TANC2: variants seen among roughly 807,000 people sequenced by gnomAD.
TANC2 encodes tetratricopeptide repeat, ankyrin repeat and coiled-coil containing 2, also known as protein TANC2.
Under a neutral mutation model 210.5 loss-of-function variants are expected in TANC2, and 26 were observed. The ratio of observed to expected loss-of-function variants is 0.12; its 90% CI spans 0.09 to 0.17. The LOEUF is 0.17. Among genes scored for constraint, TANC2 ranks in the 10% least tolerant of loss-of-function variants. TANC2 has a pLI of 1.00. For synonymous variants in TANC2, 931 were observed against 967.1 expected, an observed-to-expected ratio of 0.96 and a Z score of 0.69; for missense variants, 2,129 against 2,608.9, an observed-to-expected ratio of 0.82 and a Z score of 4.01.
At chr17:63,127,941 C>T (rs2038771159) in intron 4 of TANC2, among the ~76,000 whole-genome samples, 1 of 152,160 alleles carries the variant, frequency 6.6e-6, no homozygotes, top group Non-Finnish European at 1.5e-5. Context: ...ATATTAGAGG[C>T]CAGTAGGCTA....
intron 2 of TANC2, among the ~76,000 whole-genome samples, chr17:63,018,636 A>C (rs1046838189): frequency 1.3e-5 from 2 of 152,224 alleles, no homozygotes; most frequent in African/African-American, 4.8e-5. Context: ...AACATTGATA[A>C]CAGTTGAGAT....
At chr17:62,995,957 A>G (rs949378813) in intron 1 of TANC2, among the ~76,000 whole-genome samples, 1 of 152,216 alleles carries the variant, frequency 6.6e-6, no homozygotes. Context: ...GTCCTAGAAT[A>G]TATCTGAGGC....
chr17:63,425,456 GA>G (rs1395008373), exon 28 of TANC2: 1 of 152,134 alleles, frequency 6.6e-6, no homozygotes, highest in Non-Finnish European at 1.5e-5. Flanking sequence ...GTACCCAATA[GA>G]AAAAATTAAA....
At chr17:63,090,306 G>C (rs2037136755) in intron 3 of TANC2, among the ~76,000 whole-genome samples, 1 of 149,650 alleles carries the variant, frequency 6.7e-6, no homozygotes, top group South Asian at 2.1e-4. Context: ...TTGGTGTGCT[G>C]CACCCATTAA....
At chr17:63,342,228 T>C (rs2046253687) in intron 12 of TANC2, among the ~76,000 whole-genome samples, 2 of 151,826 alleles carry the variant, frequency 1.3e-5, no homozygotes, top group African/African-American at 4.8e-5. Context: ...TTAAAATTAT[T>C]ATTATTAATA....
chr17:63,350,075 G>T (rs997345030), intron 12 of TANC2, among the ~76,000 whole-genome samples: 1 of 152,092 alleles, frequency 6.6e-6, no homozygotes, highest in Non-Finnish European at 1.5e-5. Flanking sequence ...TTATGCTTTA[G>T]GAGAAAAACA....
chr17:62,983,240 T>C (rs241079), intron 1 of TANC2, among the ~76,000 whole-genome samples: 8,673 of 152,216 alleles, frequency 0.057, 366 homozygotes, highest in African/African-American at 0.12. Context: ...GGATTTTTTT[T>C]AGCTAGTTTA....
chr17:63,104,584 A>G (rs146687414), intron 4 of TANC2, among the ~76,000 whole-genome samples: 100 of 152,334 alleles, frequency 6.6e-4, no homozygotes, highest in African/African-American at 2.2e-3. Context: ...TGTGCGTACT[A>G]TATGTGATAT....
chr17:63,138,052 T>G (rs1473861692), intron 4 of TANC2, among the ~76,000 whole-genome samples: 1 of 152,190 alleles, frequency 6.6e-6, no homozygotes. Context: ...GTCACATGAC[T>G]GAGCTTGAAG....
chr17:63,251,866 C>T (rs2043062209), intron 8 of TANC2, among the ~76,000 whole-genome samples: 1 of 152,018 alleles, frequency 6.6e-6, no homozygotes, highest in African/African-American at 2.4e-5. Flanking sequence ...TGTGCTCATG[C>T]CAAAGCATAT....
chr17:63,282,970 A>T (rs2044104344), intron 9 of TANC2, among the ~76,000 whole-genome samples: 1 of 152,010 alleles, frequency 6.6e-6, no homozygotes, highest in Middle Eastern at 3.2e-3. Context: ...TTAGATGTCC[A>T]ACTTGTGAAT....
At chr17:63,363,586 A>G (rs1330471509) in intron 14 of TANC2, among the ~76,000 whole-genome samples, 1 of 152,176 alleles carries the variant, frequency 6.6e-6, no homozygotes, top group African/African-American at 2.4e-5. Context: ...ATGGATATCC[A>G]GTTTTCCCAG....
chr17:63,281,416 A>T (rs1418977514), intron 9 of TANC2, among the ~76,000 whole-genome samples: 2 of 152,116 alleles, frequency 1.3e-5, no homozygotes, highest in Non-Finnish European at 2.9e-5. Context: ...TCCTTGGCTG[A>T]CTACTGAACC....
At chr17:63,348,001 C>T (rs2046471197) in intron 12 of TANC2, among the ~76,000 whole-genome samples, 1 of 152,140 alleles carries the variant, frequency 6.6e-6, no homozygotes, top group South Asian at 2.1e-4. Context: ...CTCCTGGACT[C>T]AAGCAGTCCT....
chr17:63,093,978 C>G (rs138651481), intron 3 of TANC2, among the ~76,000 whole-genome samples: 6 of 152,042 alleles, frequency 3.9e-5, no homozygotes, highest in African/African-American at 1.4e-4. Context: ...ATGGTATGTA[C>G]TCTGTCAGAT....
intron 1 of TANC2, among the ~76,000 whole-genome samples, chr17:62,999,289 C>A (rs1737646301): frequency 6.6e-6 from 1 of 152,208 alleles, no homozygotes; most frequent in South Asian, 2.1e-4. Context: ...CTTCCTGAGG[C>A]CTCCCCAGAA....
intron 15 of TANC2, among the ~76,000 whole-genome samples, chr17:63,380,718 G>A (rs2047579432): frequency 6.6e-6 from 1 of 152,180 alleles, no homozygotes; most frequent in African/African-American, 2.4e-5. Flanking sequence ...GTTAAAAAAT[G>A]AAACCATTGT....
chr17:62,974,961 C>T (rs2031918857), intron 1 of TANC2, among the ~76,000 whole-genome samples: 2 of 152,164 alleles, frequency 1.3e-5, no homozygotes, highest in South Asian at 4.1e-4. Context: ...ATTTCCTTGT[C>T]TGTAATACCA....
chr17:63,211,148 A>G (rs1292923420), intron 7 of TANC2, among the ~76,000 whole-genome samples: 1 of 152,204 alleles, frequency 6.6e-6, no homozygotes. Context: ...TCAGCAACCA[A>G]AGTAAATTAA....
Sources: gnomAD v4.1 joint callset for allele counts (sites outside exome capture counted in the v4.1 genomes callset) on GRCh38, gnomAD v4.1.1 for gene constraint, MANE v1.5 for transcripts, NCBI Gene and HGNC (gene_info 2026-07-23, HGNC 2026-07-21) for gene names.